DBN1: variants seen among roughly 807,000 people sequenced by gnomAD.
DBN1 encodes drebrin.
A neutral mutation model predicts 83.5 loss-of-function variants in DBN1; 21 were observed. The observed-to-expected ratio is 0.25, with a 90% CI of 0.18 to 0.36. The LOEUF (loss-of-function observed/expected upper bound fraction) is 0.36. Among genes scored for constraint, DBN1 ranks in the 10% least tolerant of loss-of-function variants. DBN1 has a pLI of 1.00. For missense variants in DBN1, 874 were observed against 935.7 expected (o/e 0.93, Z 0.86); for synonymous variants, 381 against 384.9 (o/e 0.99, Z 0.12).
intron 1 of DBN1, among the ~76,000 whole-genome samples, chr5:177,469,295 G>A (rs533202038): frequency 1.9e-4 from 29 of 152,140 alleles, no homozygotes; most frequent in Non-Finnish European, 2.8e-4. Context: ...TACCTGGCAC[G>A]TGCCTTGGTC....
chr5:177,466,710 G>T lies in DBN1; in HGVS notation c.771+62C>A. 6.3e-7 allele frequency: 1 copy of T among 1,581,280 alleles called. No individual in the cohort carries two copies. Among genetic ancestry groups the T allele is most frequent in the South Asian group, 1.1e-5 (1 of 90,382 alleles). On this transcript the variant is annotated intron_variant, in intron 8 of 14. Coordinates refer to ENST00000393565, the MANE Select transcript of DBN1 (RefSeq NM_001363541.2). The surrounding 1 kb of genome is among the most constrained non-coding windows in gnomAD (Gnocchi z 4.8). ...CCACTGATCTCCCCACAAGGCCCAG[G>T]AACACAGGGACCATTCTCACTTCCC...
rs757311221 is a variant in DBN1, at chr5:177,459,704, C to G, written c.992G>C (p.Ser331Thr). 6.3e-7 allele frequency: 1 copy of G among 1,583,416 alleles called. No individual in the cohort carries two copies. Among genetic ancestry groups the G allele is most frequent in the African/African-American group, 1.4e-5 (1 of 74,012 alleles). The change falls in exon 11 of 15, where the codon AGT (serine) becomes ACT (threonine). Residue 331 changes from serine (S) to threonine (T), a missense_variant. Transcript: ENST00000393565. The stretch of plus-strand genomic sequence containing the variant: ...GGAAGAGGAGGAGGAGGAAGGCCCA[C>G]TGTCCGATGCCTTTATGAAAGGGCA... ...PYCPFIKASD[S>T]GPSSSSSSSS...
In DBN1 at chr5:177,456,722, G is replaced by A. The variant is rs1351098840; in HGVS notation, c.*711C>T. ...AAAAACAGTTACTAAACGTGAAAAA[G>A]GAACCCAAGCAAAGAGGAAGGAGTT... On this transcript the variant is annotated 3_prime_UTR_variant, in exon 15 of 15. Coordinates refer to ENST00000393565, the MANE Select transcript of DBN1 (RefSeq NM_001363541.2). 7.4e-6 allele frequency: 1 copy of A among 134,522 alleles called. No individual in the cohort carries two copies. The highest frequency in any genetic ancestry group is 2.3e-4 in the East Asian group (1 of 4,318). 8.3% of individuals were successfully genotyped at this position (134,522 alleles called of 1,614,324 possible).
Position 177,466,590 on chromosome 5 carries a change from G to A in DBN1, c.771+182C>T, listed in dbSNP as rs895888920. Reference sequence around the variant, plus strand: ...CCAAAGTAGTCTTTTTCCACGGCCAGAGGCCAGAGCCCCACGTGATGAGGT... The same window carrying A: ...CCAAAGTAGTCTTTTTCCACGGCCAAAGGCCAGAGCCCCACGTGATGAGGT... On this transcript the variant is annotated intron_variant, in intron 8 of 14. Transcript: ENST00000393565. The surrounding 1 kb of genome is among the most constrained non-coding windows in gnomAD (Gnocchi z 4.8). 6.6e-6 allele frequency among the ~76,000 whole-genome samples: 1 copy of A among 152,196 alleles called. No homozygotes were observed. Among genetic ancestry groups the A allele is most frequent in the Non-Finnish European group, 1.5e-5 (1 of 68,032 alleles).
chr5:177,472,124 G>A (rs749361717), intron 1 of DBN1: 5 of 1,609,302 alleles, frequency 3.1e-6, no homozygotes, highest in Middle Eastern at 1.7e-4. Flanking sequence ...CTGACCTGCA[G>A]GACACGAGAG....
chr5:177,461,093 T>C (rs1006686997), intron 8 of DBN1, among the ~76,000 whole-genome samples: 18 of 132,314 alleles, frequency 1.4e-4, no homozygotes, highest in South Asian at 2.4e-4. Flanking sequence ...CTTCTGGCCT[T>C]CTTTTTTTTT....
rs1255898795 is a variant in DBN1, at chr5:177,473,417, G to A, written c.86+19C>T. ...CGGCGCGGGGACAAAGGGGCCGGGG[G>A]CGGGGGCGGGGGGCTCACCAGTCGG... On this transcript the variant is annotated intron_variant, in intron 1 of 14. Transcript: ENST00000393565. 1 of 1,320,102 alleles carries A rather than the reference G, an allele frequency of 7.6e-7. No homozygotes were observed. Among genetic ancestry groups the A allele is most frequent in the African/African-American group, 1.5e-5 (1 of 65,464 alleles). The allele number at this position is 1,320,102 out of a possible 1,614,324, so 81.8% of individuals were successfully genotyped here. A position where few individuals can be genotyped will look rare whatever the true frequency, so the allele number is the denominator to read the frequency against.
intron 1 of DBN1, chr5:177,473,155 G>A (rs998141491): frequency 3.2e-4 from 49 of 151,620 alleles, no homozygotes; most frequent in Non-Finnish European, 8.8e-5. Context: ...GCGGCCCCGG[G>A]CCCCACATCG....
chr5:177,462,090 A>T, intron 8 of DBN1: 1 of 395,106 alleles, frequency 2.5e-6, no homozygotes, highest in Non-Finnish European at 3.4e-6. Context: ...ACCATCGCCT[A>T]CTGGCTTCAC....
In DBN1 at chr5:177,472,905, G is replaced by C. The variant is rs983425350; in HGVS notation, c.86+531C>G. 4.9e-5 allele frequency: 45 copies of C among 927,824 alleles called. No individual in the cohort carries two copies. The South Asian group carries it at 1.8e-3, about 38-fold the overall frequency. 57.5% of individuals were successfully genotyped at this position (927,824 alleles called of 1,614,324 possible). ...GCGGCCCACTCCGAGAGGCCCCCCG[G>C]TGGGCGGGGCGCCCGGCCCCCAGCC... On this transcript the variant is annotated intron_variant, in intron 1 of 14. Coordinates refer to ENST00000393565, the MANE Select transcript of DBN1 (RefSeq NM_001363541.2).
intron 12 of DBN1, 99 bp downstream of exon 12, chr5:177,458,999 G>C (rs1756792020): frequency 1.3e-6 from 2 of 1,517,146 alleles, no homozygotes; most frequent in Non-Finnish European, 1.8e-6. Context: ...TTGGTGATGG[G>C]TGGCCCAGAT....
In DBN1 at chr5:177,458,416, G is replaced by T. The variant is rs201250241; in HGVS notation, c.1556C>A (p.Thr519Asn). 6.2e-7 allele frequency: 1 copy of T among 1,614,210 alleles called. No homozygotes were observed. Among genetic ancestry groups the T allele is most frequent in the African/African-American group, 1.3e-5 (1 of 75,068 alleles). The change falls in exon 13 of 15, where the codon ACC becomes AAC. Residue 519 changes from threonine (T) to asparagine (N), a missense_variant. Around this residue, in one of 4 missense-constraint regions of DBN1, gnomAD observed 725 missense variants for 719.7 expected, o/e 1.01. Transcript: ENST00000393565. The stretch of plus-strand genomic sequence containing the variant: ...GCCAGGCCATAGGTCAATGAGGCTG[G>T]TGGCGGCGGGGGGTACGTTGTTGGC... ...TVANNVPPAA[T>N]SLIDLWPGNG... is the part of the protein sequence containing the mutation.
At position 177,472,894 on chromosome 5, in the gene DBN1, G is replaced by A. The variant is rs1179381594; in HGVS notation, c.86+542C>T. ...TCGGGGGGAGGGCGGCCCACTCCGA[G>A]AGGCCCCCCGGTGGGCGGGGCGCCC... On this transcript the variant is annotated intron_variant, in intron 1 of 14. Coordinates refer to ENST00000393565, the MANE Select transcript of DBN1 (RefSeq NM_001363541.2). 4.1e-6 allele frequency: 4 copies of A among 972,876 alleles called. No homozygotes were observed. In the South Asian group the frequency reaches 1.4e-4, roughly 35 times the overall value. 60.3% of individuals were successfully genotyped at this position (972,876 alleles called of 1,614,324 possible).
chr5:177,463,106 G>T (rs984942722), intron 8 of DBN1, among the ~76,000 whole-genome samples: 6 of 151,146 alleles, frequency 4.0e-5, no homozygotes, highest in African/African-American at 1.2e-4. Context: ...GCGAGATCTC[G>T]GCTCACTGCA....
At position 177,473,563 on chromosome 5, in the gene DBN1, G is replaced by T. The variant is rs1218450853; in HGVS notation, c.-42C>A. 1 of 1,277,798 alleles carries T rather than the reference G, an allele frequency of 7.8e-7. No homozygotes were observed. The highest frequency in any genetic ancestry group is 1.0e-6 in the Non-Finnish European group (1 of 991,634). 79.2% of individuals were successfully genotyped at this position (1,277,798 alleles called of 1,614,324 possible). A position where few individuals can be genotyped will look rare whatever the true frequency, so the allele number is the denominator to read the frequency against. On this transcript the variant is annotated 5_prime_UTR_variant, in exon 1 of 15. Coordinates refer to ENST00000393565, the MANE Select transcript of DBN1 (RefSeq NM_001363541.2). ...GGCCGAACGGACAGACGCGCGGACG[G>T]ACGGGCGGACGGAGGAGGAGGGAGG...
rs1341120123 is a variant in DBN1 at position 177,466,995 on chromosome 5, T to C, written c.623A>G (p.Gln208Arg). ...CTGCCGCTCCTGCTCCATCCGCTCC[T>C]GCTCGAACCTGAGCCTCTCATCCAG... is the stretch of plus-strand genomic sequence containing the variant. ...KALDERLRFE[Q>R]ERMEQERQEQ... The change falls in exon 7 of 15, where the codon CAG becomes CGG. Residue 208 changes from glutamine (Q) to arginine (R), a missense_variant. Transcript: ENST00000393565. This position sits in a 1 kb window ranked among gnomAD's most constrained non-coding sequence, Gnocchi z 4.8. 6.2e-7 allele frequency: 1 copy of C among 1,613,656 alleles called. No homozygotes were observed. The highest frequency in any genetic ancestry group is 1.7e-5 in the Admixed American group (1 of 60,026).
At chr5:177,458,912 G>A (rs1756783981) in intron 12 of DBN1, among the ~76,000 whole-genome samples, 186 bp downstream of exon 12, 1 of 152,224 alleles carries the variant, frequency 6.6e-6, no homozygotes, top group Non-Finnish European at 1.5e-5. Flanking sequence ...GAGGGCGGGT[G>A]CTAAGCTTTA....
chr5:177,463,626 A>G (rs541934800), intron 8 of DBN1, among the ~76,000 whole-genome samples: 1 of 152,330 alleles, frequency 6.6e-6, no homozygotes, highest in South Asian at 2.1e-4. Flanking sequence ...GAGGACCTGA[A>G]ATTGAAAGGG....
At position 177,457,151 on chromosome 5, in the gene DBN1, C is replaced by T. The variant is rs1756557979; in HGVS notation, c.*282G>A. ...AGCAGGGAGGACTAAGAGCTACAAT[C>T]TGGACCAGGGAAGGAGGGGTGGAAT... On this transcript the variant is annotated 3_prime_UTR_variant, in exon 15 of 15. Transcript: ENST00000393565. 4.0e-6 allele frequency: 2 copies of T among 496,240 alleles called. No individual in the cohort carries two copies. The highest frequency in any genetic ancestry group is 7.3e-6 in the Non-Finnish European group (2 of 275,526). 30.7% of individuals were successfully genotyped at this position (496,240 alleles called of 1,614,324 possible).
Sources: gnomAD v4.1 joint callset for allele counts (sites outside exome capture counted in the v4.1 genomes callset) on GRCh38, gnomAD v4.1.1 for gene constraint, gnomAD v4.1.1 regional missense constraint, Gnocchi (gnomAD v3.1) non-coding constraint, MANE v1.5 for transcripts, NCBI Gene and HGNC (gene_info 2026-07-23, HGNC 2026-07-21) for gene names.